EFCAB11: variants seen among roughly 807,000 people sequenced by gnomAD.
EFCAB11 encodes the protein EF-hand calcium binding domain 11, also known as EF-hand calcium-binding domain-containing protein 11.
EFCAB11 carries 14 observed loss-of-function variants against 23.0 expected under a neutral mutation model. The observed-to-expected ratio is 0.61, with a 90% CI of 0.40 to 0.95. The LOEUF is 0.95. Among genes scored for constraint, EFCAB11 ranks in the 40% least tolerant of loss-of-function variants. EFCAB11 has a pLI of 0.00. For synonymous variants in EFCAB11, 65 were observed against 66.6 expected, an observed-to-expected ratio of 0.98 and a Z score of 0.11; for missense variants, 198 against 195.8, an observed-to-expected ratio of 1.01 and a Z score of -0.07.
intron 5 of EFCAB11, chr14:89,924,693 A>G: frequency 2.6e-6 from 4 of 1,535,684 alleles, no homozygotes; most frequent in Non-Finnish European, 3.5e-6. Context: ...ATAAAGCAAA[A>G]AGAGACCACC....
chr14:89,922,290 A>G (rs1890044006), intron 5 of EFCAB11, among the ~76,000 whole-genome samples: 1 of 152,248 alleles, frequency 6.6e-6, no homozygotes, highest in Non-Finnish European at 1.5e-5. Flanking sequence ...AGTCTTTGTC[A>G]CACTGACAGA....
intron 5 of EFCAB11, among the ~76,000 whole-genome samples, chr14:89,877,716 G>A (rs531538057): frequency 1.3e-5 from 2 of 152,252 alleles, no homozygotes; most frequent in African/African-American, 4.8e-5. Context: ...GAAAGGGTTT[G>A]GCAGTTGTTT....
At chr14:89,921,808 T>A (rs1021148423) in intron 5 of EFCAB11, among the ~76,000 whole-genome samples, 6 of 152,244 alleles carry the variant, frequency 3.9e-5, no homozygotes, top group Non-Finnish European at 8.8e-5. Context: ...AATTCTTAAT[T>A]CCTGGCCTAC....
intron 5 of EFCAB11, among the ~76,000 whole-genome samples, chr14:89,901,967 C>CA (rs1393151149): frequency 2.0e-5 from 3 of 151,674 alleles, no homozygotes; most frequent in Non-Finnish European, 4.4e-5. Flanking sequence ...AAAAAAAATC[C>CA]AAAATCCAAA....
At chr14:89,852,235 T>A (rs1887620569) in intron 5 of EFCAB11, among the ~76,000 whole-genome samples, 1 of 152,244 alleles carries the variant, frequency 6.6e-6, no homozygotes, top group Non-Finnish European at 1.5e-5. Flanking sequence ...GATACTCTTA[T>A]TTGAAGCAAT....
At position 89,893,867 on chromosome 14, in the gene EFCAB11, A is replaced by C. The variant is rs538501146; in HGVS notation, c.410+37674T>G. On this transcript the variant is annotated intron_variant, in intron 5 of 5. Transcript: ENST00000316738. The stretch of plus-strand genomic sequence containing the variant: ...AATATAAAAGATGAATTGATATTAA[A>C]ACTATACATACATATACACAGACAT... Among the ~76,000 whole-genome samples the C allele has an allele frequency of 2.6e-5, 4 of 152,216 alleles. No homozygotes were observed. In the East Asian group the frequency reaches 7.7e-4, roughly 29 times the overall value.
chr14:89,794,740 T>G lies in EFCAB11; in HGVS notation c.*2503A>C, dbSNP rs1885518187. The stretch of plus-strand genomic sequence containing the variant: ...TCTTCATTTTAGATAAAGTTTAGTT[T>G]AACAGGTTTTGAATAAGACTTTATT... On this transcript the variant is annotated 3_prime_UTR_variant, in exon 6 of 6. Coordinates refer to ENST00000316738, the MANE Select transcript of EFCAB11 (RefSeq NM_145231.4). The G allele has an allele frequency of 6.6e-6, 1 of 152,202 alleles. No individual in the cohort carries two copies. Among genetic ancestry groups the G allele is most frequent in the Non-Finnish European group, 1.5e-5 (1 of 68,032 alleles). 9.4% of individuals were successfully genotyped at this position (152,202 alleles called of 1,614,324 possible).
At chr14:89,946,611 C>T (rs142968531) in intron 3 of EFCAB11, among the ~76,000 whole-genome samples, 2,456 of 152,160 alleles carry the variant, frequency 0.016, 47 homozygotes, top group Non-Finnish European at 0.022. Context: ...CTCACTCTGT[C>T]GCCCAGGCTG....
At position 89,847,486 on chromosome 14, in the gene EFCAB11, T is replaced by C. The variant is rs530578306; in HGVS notation, c.411-50162A>G. The stretch of plus-strand genomic sequence containing the variant: ...TGGGTGCGGTGGGTCATGCCTGTAA[T>C]CCCAGCACTTTGGGAGGCAGAGGCG... On this transcript the variant is annotated intron_variant, in intron 5 of 5. Transcript: ENST00000316738. Among the ~76,000 whole-genome samples, 333 of 152,194 alleles carry C rather than the reference T, an allele frequency of 2.2e-3. 1 individual carries two copies. The highest frequency in any genetic ancestry group is 4.0e-3 in the Non-Finnish European group (270 of 67,996).
chr14:89,911,540 A>G (rs997309801), intron 5 of EFCAB11, among the ~76,000 whole-genome samples: 2 of 152,242 alleles, frequency 1.3e-5, no homozygotes, highest in South Asian at 2.1e-4. Context: ...AGAAATTTGC[A>G]TCTTCAAGGA....
chr14:89,864,008 C>T (rs1335321222), intron 5 of EFCAB11, among the ~76,000 whole-genome samples: 1 of 152,224 alleles, frequency 6.6e-6, no homozygotes, highest in East Asian at 1.9e-4. Context: ...TTCCACTTCT[C>T]TCAAGCTTAT....
intron 5 of EFCAB11, among the ~76,000 whole-genome samples, chr14:89,814,547 A>T (rs1185756215): frequency 6.6e-6 from 1 of 152,130 alleles, no homozygotes; most frequent in African/African-American, 2.4e-5. Flanking sequence ...TCTACTAAAA[A>T]TACAAAATTA....
chr14:89,944,689 A>C (rs985643786), intron 3 of EFCAB11, among the ~76,000 whole-genome samples: 1 of 152,154 alleles, frequency 6.6e-6, no homozygotes, highest in African/African-American at 2.4e-5. Context: ...CATTATTCTG[A>C]ATATTTTGAA....
chr14:89,953,539 G>A (rs1891273317), intron 2 of EFCAB11, among the ~76,000 whole-genome samples: 1 of 152,208 alleles, frequency 6.6e-6, no homozygotes, highest in African/African-American at 2.4e-5. Context: ...GACCGTGGAT[G>A]TATTTTATAA....
At chr14:89,836,537 TG>T (rs755944024) in intron 5 of EFCAB11, 4 of 456,472 alleles carry the variant, frequency 8.8e-6, no homozygotes, top group Non-Finnish European at 1.8e-5. Flanking sequence ...CTCTTCACCA[TG>T]GGGAGCAGGG....
At chr14:89,821,876 A>C (rs1023345902) in intron 5 of EFCAB11, among the ~76,000 whole-genome samples, 1 of 152,262 alleles carries the variant, frequency 6.6e-6, no homozygotes, top group Non-Finnish European at 1.5e-5. Flanking sequence ...TTTAAAACAC[A>C]CATGAACAAT....
chr14:89,932,668 C>T (rs1890435629), intron 3 of EFCAB11, 41 bp from the exon 4 acceptor site: 1 of 1,476,294 alleles, frequency 6.8e-7, no homozygotes, highest in Admixed American at 1.7e-5. Flanking sequence ...AGATTATTGT[C>T]TTCCTCTTTA....
chr14:89,847,922 C>T (rs1457765835), intron 5 of EFCAB11, among the ~76,000 whole-genome samples: 5 of 152,118 alleles, frequency 3.3e-5, no homozygotes, highest in African/African-American at 1.2e-4. Flanking sequence ...ATCACTAATA[C>T]CTACCTATAC....
At chr14:89,848,821 G>A (rs1267425024) in intron 5 of EFCAB11, 3 of 152,232 alleles carry the variant, frequency 2.0e-5, no homozygotes, top group Non-Finnish European at 4.4e-5. Flanking sequence ...TAACTACTCA[G>A]GAGGCTGATG....
Sources: allele counts gnomAD v4.1 joint callset (sites outside exome capture counted in the v4.1 genomes callset), GRCh38; gene constraint gnomAD v4.1.1; transcripts MANE v1.5; gene names NCBI Gene and HGNC (gene_info 2026-07-23, HGNC 2026-07-21).